TMEM17: variants seen among roughly 807,000 people sequenced by gnomAD.
TMEM17 encodes transmembrane protein 17.
A neutral mutation model predicts 19.1 loss-of-function variants in TMEM17; 15 were observed. The ratio of observed to expected loss-of-function variants is 0.78; its 90% CI spans 0.52 to 1.21. The LOEUF (loss-of-function observed/expected upper bound fraction) is 1.21. Among genes scored for constraint, TMEM17 ranks in the 50% most tolerant of loss-of-function variants. The pLI, the probability that TMEM17 is intolerant of heterozygous loss-of-function variation, is 0.00. For synonymous variants in TMEM17, 103 were observed against 86.9 expected (o/e 1.19, Z -1.03); for missense variants, 245 against 242.3 (o/e 1.01, Z -0.07).
At chr2:62,454,406 G>C in the TMEM17 span, among the ~76,000 whole-genome samples, 24 of 152,168 alleles carry the variant, frequency 1.6e-4, no homozygotes, top group Non-Finnish European at 2.9e-4. Flanking sequence ...CCTGGTAAAG[G>C]TATGAGGCAA....
chr2:62,469,328 C>A, the TMEM17 span, among the ~76,000 whole-genome samples: 351 of 152,294 alleles, frequency 2.3e-3, 7 homozygotes, highest in East Asian at 0.057. Flanking sequence ...GGTCACCTGA[C>A]CCCGTCACAT....
the TMEM17 span, among the ~76,000 whole-genome samples, chr2:62,454,848 C>T: frequency 6.6e-6 from 1 of 152,184 alleles, no homozygotes; most frequent in Non-Finnish European, 1.5e-5. Context: ...GGACTACAGG[C>T]ACCTGCCACC....
At chr2:62,493,560 C>CA in the TMEM17 span, among the ~76,000 whole-genome samples, 4 of 152,076 alleles carry the variant, frequency 2.6e-5, no homozygotes, top group Non-Finnish European at 5.9e-5. Flanking sequence ...TGAAAAACAG[C>CA]ACAGAATTAT....
chr2:62,495,929 T>C (rs572007716), downstream of TMEM17, among the ~76,000 whole-genome samples: 5 of 152,232 alleles, frequency 3.3e-5, no homozygotes, highest in East Asian at 1.9e-4. Flanking sequence ...CCTAGGGCTG[T>C]CCCAACTCAA....
chr2:62,495,163 T>C, the TMEM17 span, among the ~76,000 whole-genome samples: 1 of 152,256 alleles, frequency 6.6e-6, no homozygotes, highest in Non-Finnish European at 1.5e-5. Flanking sequence ...GGAATATGTT[T>C]AGATAATGCA....
chr2:62,467,446 A>G, the TMEM17 span, among the ~76,000 whole-genome samples: 3 of 152,220 alleles, frequency 2.0e-5, no homozygotes, highest in Non-Finnish European at 4.4e-5. Flanking sequence ...TGAACTTGGA[A>G]GCACTATAGA....
chr2:62,493,061 T>C, the TMEM17 span, among the ~76,000 whole-genome samples: 1 of 152,166 alleles, frequency 6.6e-6, no homozygotes, highest in East Asian at 1.9e-4. Flanking sequence ...ATACAGGGTC[T>C]TACTCTTGCC....
At chr2:62,494,493 G>T in the TMEM17 span, among the ~76,000 whole-genome samples, 1 of 151,832 alleles carries the variant, frequency 6.6e-6, no homozygotes, top group African/African-American at 2.4e-5. Flanking sequence ...TTTTAAATGT[G>T]CATATAACTT....
the TMEM17 span, among the ~76,000 whole-genome samples, chr2:62,484,630 T>A: frequency 5.9e-5 from 9 of 152,328 alleles, no homozygotes; most frequent in South Asian, 4.1e-4. Context: ...GGATTATCCT[T>A]GCTCTTCTAA....
the TMEM17 span, among the ~76,000 whole-genome samples, chr2:62,462,973 G>T: frequency 1.3e-5 from 2 of 152,084 alleles, no homozygotes; most frequent in African/African-American, 4.8e-5. Flanking sequence ...TTGTGACCTT[G>T]TGGGCTGGGA....
the TMEM17 span, among the ~76,000 whole-genome samples, chr2:62,472,735 T>A: frequency 1.3e-5 from 2 of 152,236 alleles, no homozygotes; most frequent in Non-Finnish European, 2.9e-5. Flanking sequence ...CAGGTTTTAA[T>A]GTGTCTCTCA....
chr2:62,482,543 A>G, the TMEM17 span, among the ~76,000 whole-genome samples: 1 of 152,192 alleles, frequency 6.6e-6, no homozygotes. Flanking sequence ...AGGGATGAAC[A>G]TGTATCCAGG....
At chr2:62,487,366 G>C in the TMEM17 span, among the ~76,000 whole-genome samples, 1 of 152,134 alleles carries the variant, frequency 6.6e-6, no homozygotes, top group Non-Finnish European at 1.5e-5. Flanking sequence ...TCTTGTGATT[G>C]CATCGGATAA....
chr2:62,465,227 A>G, the TMEM17 span, among the ~76,000 whole-genome samples: 1 of 152,192 alleles, frequency 6.6e-6, no homozygotes, highest in Non-Finnish European at 1.5e-5. Flanking sequence ...AGCAAGATGG[A>G]GTTGGTTAGG....
downstream of TMEM17, among the ~76,000 whole-genome samples, chr2:62,496,117 G>C (rs1679772876): frequency 6.6e-6 from 1 of 151,464 alleles, no homozygotes; most frequent in Non-Finnish European, 1.5e-5. Context: ...CAGTATTCCT[G>C]TGGTAACTAC....
chr2:62,469,887 T>C, the TMEM17 span, among the ~76,000 whole-genome samples: 1 of 152,224 alleles, frequency 6.6e-6, no homozygotes, highest in African/African-American at 2.4e-5. Flanking sequence ...TGGCTGCAAG[T>C]TTGTCTCAGG....
rs753772729 is a variant in TMEM17, at chr2:62,501,299, C to A, written c.507G>T (p.Leu169Phe). Reference protein sequence around the residue: ...FLTLRKMVNQLAVRFHLQDFD... With the variant: ...FLTLRKMVNQFAVRFHLQDFD... The stretch of plus-strand genomic sequence containing the variant: ...AGTCTTGGAGGTGGAAACGAACTGC[C>A]AACTGATTAACCATTTTCCTTAAGG... The change falls in exon 4 of 4, where the codon TTG (leucine) becomes TTT (phenylalanine). Residue 169 changes from leucine to phenylalanine, a missense_variant. Coordinates refer to ENST00000335390, the MANE Select transcript of TMEM17 (RefSeq NM_198276.3). 4.3e-6 allele frequency: 7 copies of A among 1,614,180 alleles called. No homozygotes were observed. In the East Asian group the frequency reaches 1.6e-4, roughly 36 times the overall value.
At chr2:62,459,229 C>T in the TMEM17 span, among the ~76,000 whole-genome samples, 3 of 152,234 alleles carry the variant, frequency 2.0e-5, no homozygotes, top group African/African-American at 7.2e-5. Context: ...GTTGAGGGGT[C>T]TGCCTTCCAC....
chr2:62,460,585 T>C, the TMEM17 span, among the ~76,000 whole-genome samples: 9 of 152,324 alleles, frequency 5.9e-5, no homozygotes, highest in South Asian at 4.1e-4. Flanking sequence ...CATATTTGTA[T>C]TTTTAAAAAA....
Sources: gnomAD v4.1 joint callset for allele counts (sites outside exome capture counted in the v4.1 genomes callset) on GRCh38, gnomAD v4.1.1 for gene constraint, MANE v1.5 for transcripts, NCBI Gene and HGNC (gene_info 2026-07-23, HGNC 2026-07-21) for gene names.